The following TTC23L variants were observed in gnomAD, a reference collection of about 807,000 sequenced individuals.
The protein encoded by TTC23L is tetratricopeptide repeat domain 23 like, also known as tetratricopeptide repeat protein 23-like.
TTC23L carries 42 observed loss-of-function variants against 48.1 expected under a neutral mutation model. The observed-to-expected ratio is 0.87, with a 90% confidence interval of 0.68 to 1.13. The LOEUF is 1.13. Among genes scored for constraint, TTC23L ranks in the 50% most tolerant of loss-of-function variants. The pLI is 0.00. For missense variants in TTC23L, 391 were observed against 421.0 expected (o/e 0.93, Z 0.62); for synonymous variants, 159 against 157.2 (o/e 1.01, Z -0.09).
downstream of TTC23L, among the ~76,000 whole-genome samples, chr5:34,903,383 T>C (rs1269628098): frequency 6.6e-6 from 1 of 152,140 alleles, no homozygotes; most frequent in African/African-American, 2.4e-5. Flanking sequence ...ATTTCCCATT[T>C]ACCCCCTACC....
rs1165304830 is a variant in TTC23L, at chr5:34,866,860, G to C, written c.663-32G>C. ...TGTCTGCAAAGTAAGTGGCCTCTCT[G>C]TGACTTTCTATTTTCATCCCTTTTC... On this transcript the variant is annotated intron_variant, in intron 6 of 10. Transcript: ENST00000505624. 4 of 1,540,156 alleles carry C rather than the reference G, an allele frequency of 2.6e-6. No individual in the cohort carries two copies. The African/African-American group carries it at 5.5e-5, about 21-fold the overall frequency.
chr5:34,909,008 C>A, the TTC23L span: 1 of 1,376,916 alleles, frequency 7.3e-7, no homozygotes, highest in African/African-American at 1.5e-5. Context: ...TCAGAACTCC[C>A]AAGTAAAGGA....
At chr5:34,925,422 A>G in the TTC23L span, 1 of 1,613,992 alleles carries the variant, frequency 6.2e-7, no homozygotes, top group South Asian at 1.1e-5. Flanking sequence ...GTTGATTTGA[A>G]AGCAAGAAAG....
chr5:34,839,654 G>A (rs1758431589), intron 1 of TTC23L: 1 of 985,222 alleles, frequency 1.0e-6, no homozygotes, highest in African/African-American at 1.7e-5. Context: ...CTGGAGCCTG[G>A]GTCAGAAAGC....
intron 9 of TTC23L, among the ~76,000 whole-genome samples, chr5:34,884,810 AT>A (rs1762449741): frequency 6.6e-6 from 1 of 152,230 alleles, no homozygotes; most frequent in Non-Finnish European, 1.5e-5. Flanking sequence ...AAATGCAAAA[AT>A]ATTACAGTAG....
intron 1 of TTC23L, 125 bp from the exon 2 acceptor site, chr5:34,840,540 G>T: frequency 1.3e-6 from 1 of 770,276 alleles, no homozygotes; most frequent in South Asian, 1.6e-5. Context: ...TGCGTAGTCT[G>T]TGGATTTAGG....
chr5:34,897,324 C>G (rs895790875), intron 10 of TTC23L, among the ~76,000 whole-genome samples: 1 of 151,932 alleles, frequency 6.6e-6, no homozygotes, highest in South Asian at 2.1e-4. Context: ...GTGGAGGTTG[C>G]AGTGAGCCGA....
chr5:34,840,533 G>A (rs1026893303), intron 1 of TTC23L, 132 bp from the exon 2 acceptor site: 27 of 728,986 alleles, frequency 3.7e-5, no homozygotes, highest in South Asian at 3.3e-4. Flanking sequence ...CTAAGTATGC[G>A]TAGTCTGTGG....
At chr5:34,918,288 G>GTTGCCC in the TTC23L span, 19 of 773,084 alleles carry the variant, frequency 2.5e-5, no homozygotes, top group East Asian at 5.1e-4. Context: ...CTGGGCAACA[G>GTTGCCC]TGTGAGACCC....
chr5:34,915,869 G>C, the TTC23L span: 2 of 1,562,056 alleles, frequency 1.3e-6, no homozygotes, highest in Non-Finnish European at 1.7e-6. Context: ...GAAGAAGAGA[G>C]GGACCGGATC....
chr5:34,861,718 A>G (rs1335458148), intron 4 of TTC23L, among the ~76,000 whole-genome samples: 1 of 152,218 alleles, frequency 6.6e-6, no homozygotes, highest in Admixed American at 6.5e-5. Flanking sequence ...ACTAGGCTTC[A>G]GGAGCCAAAG....
exon 1 of TTC23L, chr5:34,839,174 TG>T (rs1447507323): frequency 6.5e-6 from 1 of 152,734 alleles, no homozygotes; most frequent in African/African-American, 2.4e-5. Context: ...ATTGTCTCCT[TG>T]GCCGGACCTG....
At chr5:34,872,653 T>G (rs1334613029) in intron 8 of TTC23L, among the ~76,000 whole-genome samples, 1 of 152,132 alleles carries the variant, frequency 6.6e-6, no homozygotes, top group East Asian at 1.9e-4. Flanking sequence ...GAAACATGAA[T>G]AAAGATGTTC....
At chr5:34,869,080 C>T (rs1761263635) in intron 8 of TTC23L, 67 bp downstream of exon 8, 1 of 1,276,096 alleles carries the variant, frequency 7.8e-7, no homozygotes, top group Admixed American at 2.0e-5. Flanking sequence ...GGCAAACAGC[C>T]TATCTAAGAT....
At chr5:34,866,816 T>C in intron 6 of TTC23L, 76 bp from the exon 7 acceptor site, 2 of 1,390,480 alleles carry the variant, frequency 1.4e-6, no homozygotes, top group South Asian at 1.5e-5. Flanking sequence ...TCTTTAATTC[T>C]TGGAATCAGT....
chr5:34,886,384 C>T (rs1049195542), intron 9 of TTC23L, among the ~76,000 whole-genome samples: 1 of 93,312 alleles, frequency 1.1e-5, no homozygotes, highest in Non-Finnish European at 2.4e-5. Context: ...AAAAAAAAAA[C>T]GTTTTATCCC....
At chr5:34,860,159 T>C (rs1020449600) in intron 4 of TTC23L, among the ~76,000 whole-genome samples, 2 of 152,088 alleles carry the variant, frequency 1.3e-5, no homozygotes, top group East Asian at 3.9e-4. Flanking sequence ...CTTATACGTT[T>C]TTCAATTCAG....
intron 8 of TTC23L, among the ~76,000 whole-genome samples, chr5:34,871,833 A>G (rs996560688): frequency 9.2e-5 from 14 of 152,280 alleles, no homozygotes; most frequent in Non-Finnish European, 1.8e-4. Flanking sequence ...TGCAGAAGTA[A>G]TTCAATATGG....
intron 8 of TTC23L, among the ~76,000 whole-genome samples, chr5:34,873,312 A>G (rs903938242): frequency 5.9e-5 from 9 of 152,238 alleles, no homozygotes; most frequent in African/African-American, 2.2e-4. Context: ...ACTGTATAAA[A>G]TGGTCATAAC....
Sources: allele counts gnomAD v4.1 joint callset (sites outside exome capture counted in the v4.1 genomes callset), GRCh38; gene constraint gnomAD v4.1.1; transcripts MANE v1.5; gene names NCBI Gene and HGNC (gene_info 2026-07-23, HGNC 2026-07-21).